The following MTDH variants were observed in gnomAD, a reference collection of about 807,000 sequenced individuals.
The protein encoded by MTDH is metadherin, also known as protein LYRIC.
MTDH carries 34 observed loss-of-function variants against 72.7 expected under a neutral mutation model. The observed-to-expected ratio is 0.47, with a 90% CI of 0.36 to 0.62. MTDH has a LOEUF of 0.62. Among genes scored for constraint, MTDH ranks in the 20% least tolerant of loss-of-function variants. MTDH has a pLI of 0.00. For synonymous variants in MTDH, 266 were observed against 268.9 expected (o/e 0.99, Z 0.10); for missense variants, 677 against 699.4 (o/e 0.97, Z 0.36).
intron 7 of MTDH, among the ~76,000 whole-genome samples, chr8:97,703,409 C>T (rs1246691868): frequency 6.6e-6 from 1 of 152,182 alleles, no homozygotes; most frequent in Non-Finnish European, 1.5e-5. Flanking sequence ...TCACCTCCAC[C>T]TCCTACCACA....
At chr8:97,651,858 T>A (rs1811784746) in intron 1 of MTDH, among the ~76,000 whole-genome samples, 1 of 152,144 alleles carries the variant, frequency 6.6e-6, no homozygotes, top group South Asian at 2.1e-4. Flanking sequence ...TTTCTTGCCT[T>A]CTCCCAGTCT....
chr8:97,657,185 C>A (rs771168106), intron 1 of MTDH, among the ~76,000 whole-genome samples: 1 of 151,816 alleles, frequency 6.6e-6, no homozygotes, highest in African/African-American at 2.4e-5. Flanking sequence ...GTGTGGGGGT[C>A]GAAGAAAATT....
intron 7 of MTDH, among the ~76,000 whole-genome samples, chr8:97,702,353 C>G (rs1240694164): frequency 1.3e-5 from 2 of 152,186 alleles, no homozygotes; most frequent in Non-Finnish European, 2.9e-5. Flanking sequence ...TCTTAACTTC[C>G]CTGCCTTTGC....
At chr8:97,697,130 A>AAAAAAAAAAAAAAAAAAAATTTTTT (rs1813874804) in intron 6 of MTDH, among the ~76,000 whole-genome samples, 1 of 93,394 alleles carries the variant, frequency 1.1e-5, no homozygotes, top group Non-Finnish European at 1.9e-5. Flanking sequence ...AAAAAAAAAA[A>AAAAAAAAAAAAAAAAAAAATTTTTT]TATATATATA....
intron 1 of MTDH, among the ~76,000 whole-genome samples, chr8:97,648,214 A>C (rs1348732979): frequency 6.6e-6 from 1 of 152,088 alleles, no homozygotes; most frequent in African/African-American, 2.4e-5. Flanking sequence ...CCTAATTAAA[A>C]GTGAGGGGGG....
chr8:97,671,835 C>T (rs968973185), intron 2 of MTDH, among the ~76,000 whole-genome samples: 1 of 152,028 alleles, frequency 6.6e-6, no homozygotes, highest in African/African-American at 2.4e-5. Flanking sequence ...TAGAGCAAGA[C>T]CCCATCTCAA....
chr8:97,695,218 A>G (rs1813785629), intron 6 of MTDH, among the ~76,000 whole-genome samples: 1 of 151,572 alleles, frequency 6.6e-6, no homozygotes, highest in African/African-American at 2.4e-5. Flanking sequence ...AGTTCAAGCA[A>G]TTCTCCTGCC....
At chr8:97,696,710 C>G (rs779981433) in intron 6 of MTDH, among the ~76,000 whole-genome samples, 13 of 152,140 alleles carry the variant, frequency 8.5e-5, no homozygotes, top group Non-Finnish European at 1.8e-4. Context: ...CTATAAGTAT[C>G]TGTAGATTTA....
Position 97,658,108 on chromosome 8 carries a change from T to C in MTDH, c.382-2964T>C, listed in dbSNP as rs1405352855. Among the ~76,000 whole-genome samples, 3 of 152,118 alleles carry C rather than the reference T, an allele frequency of 2.0e-5. No individual in the cohort carries two copies. The East Asian group carries it at 5.8e-4, about 29-fold the overall frequency. ...CTTTACTTTTGGGATAGGAGGCTTA[T>C]TGTTTCATGGCATCAGGCATGTGTG... On this transcript the variant is annotated intron_variant, in intron 1 of 11. Transcript: ENST00000336273.
chr8:97,644,978 GAA>G (rs755575736), intron 1 of MTDH, 91 bp downstream of exon 1: 272 of 1,400,472 alleles, frequency 1.9e-4, no homozygotes, highest in Middle Eastern at 1.1e-3. Flanking sequence ...AGCCGGGAAG[GAA>G]AAGAGTGCTT....
At chr8:97,686,580 G>A (rs1813372925) in intron 2 of MTDH, 88 bp from the exon 3 acceptor site, 3 of 710,794 alleles carry the variant, frequency 4.2e-6, no homozygotes, top group South Asian at 2.7e-5. Flanking sequence ...TTAGTTGTCA[G>A]CATCATACAT....
At chr8:97,690,034 G>A (rs1813533253) in intron 5 of MTDH, among the ~76,000 whole-genome samples, 1 of 136,324 alleles carries the variant, frequency 7.3e-6, no homozygotes, top group African/African-American at 2.8e-5. Context: ...TTTGCTTGTT[G>A]TCCAGGCTGG....
intron 1 of MTDH, among the ~76,000 whole-genome samples, chr8:97,653,686 G>A (rs1811859725): frequency 1.3e-5 from 2 of 152,164 alleles, no homozygotes; most frequent in African/African-American, 2.4e-5. Context: ...TCTCAAGGCT[G>A]TAAAAGCCTT....
intron 1 of MTDH, 134 bp downstream of exon 1, chr8:97,645,021 T>TGGA (rs1811510592): frequency 9.9e-7 from 1 of 1,010,228 alleles, no homozygotes; most frequent in Non-Finnish European, 1.4e-6. Context: ...CACTCCCAAG[T>TGGA]GGAGGAGGAG....
At chr8:97,698,832 C>T (rs985944622) in intron 6 of MTDH, among the ~76,000 whole-genome samples, 2 of 152,162 alleles carry the variant, frequency 1.3e-5, no homozygotes. Flanking sequence ...AAGGAAAAAA[C>T]AACTTTTTTT....
intron 7 of MTDH, among the ~76,000 whole-genome samples, chr8:97,700,962 G>A (rs1338978696): frequency 6.6e-6 from 1 of 152,136 alleles, no homozygotes; most frequent in Non-Finnish European, 1.5e-5. Context: ...GGACCATATT[G>A]TGAAATGCAT....
intron 2 of MTDH, among the ~76,000 whole-genome samples, chr8:97,663,681 G>A (rs1200511871): frequency 1.5e-5 from 2 of 136,748 alleles, no homozygotes; most frequent in Admixed American, 7.8e-5. Context: ...TCCAGGAAGT[G>A]CAGCTTGCAG....
At chr8:97,692,875 G>A (rs759811109) in intron 6 of MTDH, among the ~76,000 whole-genome samples, 5 of 151,472 alleles carry the variant, frequency 3.3e-5, no homozygotes, top group South Asian at 2.1e-4. Flanking sequence ...GATTACAGGC[G>A]CACACCACCA....
chr8:97,681,455 T>C (rs1813067580), intron 2 of MTDH, among the ~76,000 whole-genome samples: 1 of 150,924 alleles, frequency 6.6e-6, no homozygotes, highest in Non-Finnish European at 1.5e-5. Flanking sequence ...TGATAAGATA[T>C]ATTGGGAAGG....
Sources: gnomAD v4.1 joint callset for allele counts (sites outside exome capture counted in the v4.1 genomes callset) on GRCh38, gnomAD v4.1.1 for gene constraint, MANE v1.5 for transcripts, NCBI Gene and HGNC (gene_info 2026-07-23, HGNC 2026-07-21) for gene names.